The following CSTPP1 variants were observed in gnomAD, a reference collection of about 807,000 sequenced individuals.
CSTPP1 encodes centriolar satellite-associated tubulin polyglutamylase complex regulator 1, also known as UPF0705 protein C11orf49.
At chr11:46,983,922 C>T in the CSTPP1 span, among the ~76,000 whole-genome samples, 3 of 152,208 alleles carry the variant, frequency 2.0e-5, no homozygotes, top group African/African-American at 7.2e-5. Context: ...GTAAAAAGAA[C>T]ACCAGGGCTT....
chr11:47,151,409 A>AC, the CSTPP1 span, among the ~76,000 whole-genome samples: 1 of 151,918 alleles, frequency 6.6e-6, no homozygotes, highest in Non-Finnish European at 1.5e-5. Context: ...TCAAAAAAAA[A>AC]AAAGCAAGAG....
At chr11:47,024,256 A>T in the CSTPP1 span, among the ~76,000 whole-genome samples, 5 of 151,668 alleles carry the variant, frequency 3.3e-5, no homozygotes, top group African/African-American at 9.7e-5. Flanking sequence ...TAGAGACGGG[A>T]CCTCACCATG....
chr11:46,971,780 G>A, the CSTPP1 span, among the ~76,000 whole-genome samples: 104 of 152,142 alleles, frequency 6.8e-4, no homozygotes, highest in Non-Finnish European at 1.3e-3. Context: ...CCCTGTCTCT[G>A]CAAAAACTTT....
chr11:46,994,282 C>G, the CSTPP1 span, among the ~76,000 whole-genome samples: 21 of 152,250 alleles, frequency 1.4e-4, no homozygotes, highest in Middle Eastern at 0.014. Context: ...CTTCTCCTGC[C>G]TAATTGCCCT....
chr11:46,963,434 A>G, the CSTPP1 span, among the ~76,000 whole-genome samples: 1 of 151,582 alleles, frequency 6.6e-6, no homozygotes, highest in East Asian at 1.9e-4. Flanking sequence ...CCCTTCAGTG[A>G]TATTTTAGCA....
chr11:47,068,493 C>G, the CSTPP1 span, among the ~76,000 whole-genome samples: 1 of 152,078 alleles, frequency 6.6e-6, no homozygotes, highest in South Asian at 2.1e-4. Context: ...GATCATGCCA[C>G]TGCACTCCAA....
chr11:46,949,920 G>A, the CSTPP1 span, among the ~76,000 whole-genome samples: 105 of 152,088 alleles, frequency 6.9e-4, 1 homozygote, highest in African/African-American at 2.4e-3. Context: ...TGATCCTCCC[G>A]CCTCGGCCTC....
the CSTPP1 span, among the ~76,000 whole-genome samples, chr11:47,030,621 G>A: frequency 1.3e-5 from 2 of 151,984 alleles, no homozygotes; most frequent in African/African-American, 4.8e-5. Context: ...CATCACTCAG[G>A]TATTAAGCCT....
the CSTPP1 span, among the ~76,000 whole-genome samples, chr11:47,078,287 G>T: frequency 6.6e-6 from 1 of 152,186 alleles, no homozygotes; most frequent in Non-Finnish European, 1.5e-5. Context: ...ACTTCCAAGA[G>T]AACCATTTTA....
chr11:47,119,325 T>G, the CSTPP1 span, among the ~76,000 whole-genome samples: 2 of 152,228 alleles, frequency 1.3e-5, no homozygotes, highest in Non-Finnish European at 2.9e-5. Flanking sequence ...GCACAGTATT[T>G]GGGCGGAGAG....
chr11:47,150,538 AG>A, the CSTPP1 span, among the ~76,000 whole-genome samples: 5 of 152,188 alleles, frequency 3.3e-5, no homozygotes, highest in Non-Finnish European at 7.3e-5. Flanking sequence ...AGCCAGTAGC[AG>A]GGGGGCCTAT....
At chr11:47,065,430 C>A in the CSTPP1 span, among the ~76,000 whole-genome samples, 1 of 152,012 alleles carries the variant, frequency 6.6e-6, no homozygotes, top group African/African-American at 2.4e-5. Flanking sequence ...CCACCTCTGC[C>A]ATCAAGCCCA....
the CSTPP1 span, among the ~76,000 whole-genome samples, chr11:47,120,977 A>G: frequency 6.6e-6 from 1 of 152,186 alleles, no homozygotes; most frequent in Non-Finnish European, 1.5e-5. This position sits in a 1 kb window ranked among gnomAD's most constrained non-coding sequence, Gnocchi z 4.2. Flanking sequence ...AATATAACTT[A>G]CATGGAAATC....
the CSTPP1 span, among the ~76,000 whole-genome samples, chr11:47,116,414 G>A: frequency 6.6e-6 from 1 of 151,904 alleles, no homozygotes; most frequent in Non-Finnish European, 1.5e-5. Flanking sequence ...TTGACAGTGG[G>A]GTGTTAAAGT....
the CSTPP1 span, among the ~76,000 whole-genome samples, chr11:47,021,237 A>G: frequency 6.6e-6 from 1 of 152,276 alleles, no homozygotes; most frequent in South Asian, 2.1e-4. Flanking sequence ...GAAAGCTTCC[A>G]TCCCCAGTGA....
At chr11:47,156,986 G>T in the CSTPP1 span, 2 of 1,608,506 alleles carry the variant, frequency 1.2e-6, no homozygotes, top group Non-Finnish European at 8.5e-7. Context: ...CCCTGCCTGA[G>T]CCGTCCACAC....
At chr11:46,958,200 T>A in the CSTPP1 span, among the ~76,000 whole-genome samples, 1 of 152,186 alleles carries the variant, frequency 6.6e-6, no homozygotes, top group Non-Finnish European at 1.5e-5. Flanking sequence ...GGATCTTGCT[T>A]TGTTGTCCAG....
chr11:47,098,602 T>G, the CSTPP1 span, among the ~76,000 whole-genome samples: 198 of 150,292 alleles, frequency 1.3e-3, 2 homozygotes, highest in Middle Eastern at 3.4e-3. Flanking sequence ...GCCTCTTGGG[T>G]TCAAGTGATT....
the CSTPP1 span, among the ~76,000 whole-genome samples, chr11:46,949,828 T>C: frequency 3.3e-5 from 5 of 151,890 alleles, no homozygotes; most frequent in African/African-American, 1.2e-4. Flanking sequence ...CATGCCACCA[T>C]GCCTGGCTAA....
Sources: allele counts gnomAD v4.1 joint callset (sites outside exome capture counted in the v4.1 genomes callset), GRCh38; gene constraint gnomAD v4.1.1; non-coding constraint Gnocchi (gnomAD v3.1); transcripts MANE v1.5; gene names NCBI Gene and HGNC (gene_info 2026-07-23, HGNC 2026-07-21).